The following ERBB4 variants were observed in gnomAD, a reference collection of about 807,000 sequenced individuals.
The protein encoded by ERBB4 is receptor tyrosine-protein kinase erbB-4.
In ERBB4, 42 loss-of-function variants were observed where a neutral mutation model predicts 158.0. The observed-to-expected ratio is 0.27, with a 90% CI of 0.21 to 0.34. ERBB4 has a LOEUF of 0.34. Among genes scored for constraint, ERBB4 ranks in the 10% least tolerant of loss-of-function variants. ERBB4 has a pLI of 1.00. For missense variants in ERBB4, 1,333 were observed against 1,624.1 expected (o/e 0.82, Z 3.08); for synonymous variants, 583 against 558.7 (o/e 1.04, Z -0.61).
In ERBB4 at chr2:211,428,298, C is replaced by T. The variant is rs562542402; in HGVS notation, c.2719+110G>A. Reference sequence around the variant, plus strand: ...AACTGCTTTAGGAAATTAGGCTTATCAATAGGTATTTATAACACAACAAAA... The same window carrying T: ...AACTGCTTTAGGAAATTAGGCTTATTAATAGGTATTTATAACACAACAAAA... On this transcript the variant is annotated intron_variant, in intron 22 of 27. Coordinates refer to ENST00000342788, the MANE Select transcript of ERBB4 (RefSeq NM_005235.3). The T allele has an allele frequency of 1.2e-5, 7 of 605,728 alleles. No homozygotes were observed. In the East Asian group the frequency reaches 1.7e-4, roughly 15 times the overall value. The allele number at this position is 605,728 out of a possible 1,614,324, so 37.5% of individuals were successfully genotyped here.
intron 20 of ERBB4, among the ~76,000 whole-genome samples, chr2:211,433,094 C>A (rs958707277): frequency 1.3e-5 from 2 of 152,082 alleles, no homozygotes; most frequent in African/African-American, 4.8e-5. Flanking sequence ...GGTAGCAGTA[C>A]CATGGCGTAC....
At chr2:211,775,271 T>C (rs1380114214) in intron 4 of ERBB4, among the ~76,000 whole-genome samples, 2 of 152,194 alleles carry the variant, frequency 1.3e-5, no homozygotes, top group Admixed American at 1.3e-4. Flanking sequence ...CTTGAGTAGC[T>C]CGTCTGGTTT....
At chr2:211,949,746 A>G (rs2080823273) in intron 2 of ERBB4, among the ~76,000 whole-genome samples, 1 of 152,008 alleles carries the variant, frequency 6.6e-6, no homozygotes, top group Non-Finnish European at 1.5e-5. Flanking sequence ...CTCCCTCACT[A>G]CCTTCAAGTT....
Position 212,538,707 on chromosome 2 carries a change from CAGGGCCGGGGCCCG to C in ERBB4, c.-191_-178del. ...GCGACCGAGTCCGCGCCCGCGGGTC[CAGGGCCGGGGCCCG>C]AGGAGGGGGCGAGTGTGAGCGCGTG... On this transcript the variant is annotated 5_prime_UTR_variant, in exon 1 of 28. Transcript: ENST00000342788. 2.2e-6 allele frequency: 1 copy of C among 444,794 alleles called. No individual in the cohort carries two copies. Among genetic ancestry groups the C allele is most frequent in the Non-Finnish European group, 3.8e-6 (1 of 262,030 alleles). 27.6% of individuals were successfully genotyped at this position (444,794 alleles called of 1,614,324 possible).
intron 2 of ERBB4, among the ~76,000 whole-genome samples, chr2:212,114,904 G>A (rs1357251565): frequency 6.6e-6 from 1 of 152,138 alleles, no homozygotes; most frequent in Non-Finnish European, 1.5e-5. Flanking sequence ...AAGAAGAAAG[G>A]AAGAAGCCTA....
intron 3 of ERBB4, among the ~76,000 whole-genome samples, chr2:211,938,271 A>T (rs1448037447): frequency 6.6e-6 from 1 of 152,166 alleles, no homozygotes; most frequent in African/African-American, 2.4e-5. Flanking sequence ...TGTTATGTTC[A>T]TTTGAAGATA....
chr2:212,245,079 T>C (rs2084261363), intron 1 of ERBB4, among the ~76,000 whole-genome samples: 1 of 152,206 alleles, frequency 6.6e-6, no homozygotes, highest in South Asian at 2.1e-4. Flanking sequence ...CTATAAATTA[T>C]TTCAGTAAAA....
chr2:212,228,598 A>C (rs929799433), intron 1 of ERBB4, among the ~76,000 whole-genome samples: 1 of 152,152 alleles, frequency 6.6e-6, no homozygotes, highest in African/African-American at 2.4e-5. Flanking sequence ...AGAAGCAGTA[A>C]AGACTATTTT....
chr2:212,020,903 AT>A (rs1185435256), intron 2 of ERBB4, among the ~76,000 whole-genome samples: 15 of 151,864 alleles, frequency 9.9e-5, no homozygotes, highest in South Asian at 2.1e-4. Context: ...TATAGTTCAT[AT>A]TTTTTTTACT....
chr2:212,079,956 AC>A (rs2078387089), intron 2 of ERBB4, among the ~76,000 whole-genome samples: 1 of 152,042 alleles, frequency 6.6e-6, no homozygotes, highest in African/African-American at 2.4e-5. Flanking sequence ...TCTAAATCTT[AC>A]AGATTTAGAA....
intron 19 of ERBB4, among the ~76,000 whole-genome samples, chr2:211,592,629 T>C (rs959194756): frequency 1.3e-5 from 2 of 151,760 alleles, no homozygotes; most frequent in African/African-American, 4.8e-5. Context: ...TTAAACTAGA[T>C]GAAAGAAAGG....
At chr2:212,346,308 GCC>G (rs5838319) in intron 1 of ERBB4, among the ~76,000 whole-genome samples, 2 of 151,200 alleles carry the variant, frequency 1.3e-5, no homozygotes, top group Admixed American at 1.3e-4. Context: ...CTCAATGATG[GCC>G]CCCCCCAAGA....
At chr2:212,366,732 C>A (rs1158070330) in intron 1 of ERBB4, among the ~76,000 whole-genome samples, 1 of 151,940 alleles carries the variant, frequency 6.6e-6, no homozygotes, top group Non-Finnish European at 1.5e-5. Context: ...TTAAAAATGT[C>A]TCTGCTTTTA....
chr2:211,838,527 T>C (rs1397320773), intron 3 of ERBB4, among the ~76,000 whole-genome samples: 1 of 152,074 alleles, frequency 6.6e-6, no homozygotes, highest in Non-Finnish European at 1.5e-5. Context: ...AAAAGTGAAG[T>C]TTTTTAACCA....
At chr2:211,553,486 T>C (rs1282262753) in intron 20 of ERBB4, among the ~76,000 whole-genome samples, 1 of 152,202 alleles carries the variant, frequency 6.6e-6, no homozygotes, top group Non-Finnish European at 1.5e-5. Context: ...TTAAAAGTCA[T>C]ATTTTTAAAT....
At chr2:211,835,387 C>T (rs1203352054) in intron 3 of ERBB4, among the ~76,000 whole-genome samples, 1 of 95,008 alleles carries the variant, frequency 1.1e-5, no homozygotes, top group Non-Finnish European at 2.4e-5. Context: ...CATAAAACCA[C>T]TCTGACACTT....
At chr2:212,301,159 C>T (rs911668619) in intron 1 of ERBB4, among the ~76,000 whole-genome samples, 7 of 149,136 alleles carry the variant, frequency 4.7e-5, no homozygotes, top group Admixed American at 2.0e-4. Flanking sequence ...CATTATAAAC[C>T]TTTCCTTTCC....
intron 14 of ERBB4, among the ~76,000 whole-genome samples, chr2:211,669,624 A>G (rs528765884): frequency 6.6e-6 from 1 of 152,364 alleles, no homozygotes; most frequent in Admixed American, 6.5e-5. Context: ...AGACAAGGAC[A>G]TAAGCGCAAA....
At chr2:212,470,679 T>C (rs1415090827) in intron 1 of ERBB4, among the ~76,000 whole-genome samples, 1 of 152,124 alleles carries the variant, frequency 6.6e-6, no homozygotes, top group Middle Eastern at 3.2e-3. Flanking sequence ...TTCTAGTTCC[T>C]GTTTCAGTTA....
Sources: allele counts gnomAD v4.1 joint callset (sites outside exome capture counted in the v4.1 genomes callset), GRCh38; gene constraint gnomAD v4.1.1; transcripts MANE v1.5; gene names NCBI Gene and HGNC (gene_info 2026-07-23, HGNC 2026-07-21).